FRAS1: variants seen among roughly 807,000 people sequenced by gnomAD.
FRAS1 encodes the protein extracellular matrix organizing protein FRAS1.
A neutral mutation model predicts 435.2 loss-of-function variants in FRAS1; 290 were observed. That is an observed-to-expected ratio of 0.67 (90% CI 0.61 to 0.73). FRAS1 has a LOEUF of 0.73. Among genes scored for constraint, FRAS1 ranks in the 30% least tolerant of loss-of-function variants. The probability of loss-of-function intolerance (pLI) is 0.00; values close to 1 mark genes in which losing one functional copy is unlikely to be tolerated. For missense variants in FRAS1, 4,860 were observed against 5,001.5 expected (o/e 0.97, Z 0.85); for synonymous variants, 1,800 against 1,851.0 (o/e 0.97, Z 0.71).
intron 18 of FRAS1, among the ~76,000 whole-genome samples, chr4:78,327,963 C>A (rs756897093): frequency 6.6e-6 from 1 of 152,136 alleles, no homozygotes; most frequent in Non-Finnish European, 1.5e-5. Flanking sequence ...TGTCATCCAG[C>A]GTATTCTTTT....
At chr4:78,519,239 G>T in intron 66 of FRAS1, 92 bp from the exon 67 acceptor site, 1 of 1,095,136 alleles carries the variant, frequency 9.1e-7, no homozygotes, top group South Asian at 2.1e-5. Flanking sequence ...GTGACTACAT[G>T]GGTGAATGAA....
At chr4:78,156,253 A>C (rs1274035287) in intron 2 of FRAS1, among the ~76,000 whole-genome samples, 4 of 152,206 alleles carry the variant, frequency 2.6e-5, no homozygotes, top group African/African-American at 4.8e-5. Context: ...AGCTTAGCAC[A>C]TGTAGAACAT....
At chr4:78,210,995 G>T (rs972256666) in intron 2 of FRAS1, among the ~76,000 whole-genome samples, 4 of 152,210 alleles carry the variant, frequency 2.6e-5, no homozygotes, top group African/African-American at 9.7e-5. Context: ...GTGCGCGTAT[G>T]GTGTTGGACA....
intron 2 of FRAS1, among the ~76,000 whole-genome samples, chr4:78,163,775 A>G (rs890548077): frequency 1.3e-5 from 2 of 152,220 alleles, no homozygotes; most frequent in Non-Finnish European, 2.9e-5. Flanking sequence ...TTGAAAAAAT[A>G]ATATTTTGTT....
intron 2 of FRAS1, among the ~76,000 whole-genome samples, chr4:78,195,312 C>T (rs1208854920): frequency 1.3e-5 from 2 of 152,226 alleles, no homozygotes; most frequent in African/African-American, 4.8e-5. Context: ...CAGCCAGGGA[C>T]ATTTAAGTCT....
At chr4:78,066,981 A>G (rs1314966096) in intron 2 of FRAS1, among the ~76,000 whole-genome samples, 3 of 152,128 alleles carry the variant, frequency 2.0e-5, no homozygotes, top group Middle Eastern at 3.2e-3. Context: ...GGAAAAAGCC[A>G]TTTTTATTGT....
At chr4:78,095,602 A>G (rs556807363) in intron 2 of FRAS1, among the ~76,000 whole-genome samples, 1 of 152,350 alleles carries the variant, frequency 6.6e-6, no homozygotes, top group Non-Finnish European at 1.5e-5. Flanking sequence ...GCTGTGGAGG[A>G]GTCCTCACAA....
At chr4:78,430,205 C>A in intron 36 of FRAS1, 87 bp from the exon 37 acceptor site, 1 of 1,530,062 alleles carries the variant, frequency 6.5e-7, no homozygotes, top group African/African-American at 1.4e-5. Context: ...CAGCATGACT[C>A]CTAGCCTGGC....
At chr4:78,462,020 G>A (rs1719381575) in intron 47 of FRAS1, among the ~76,000 whole-genome samples, 3 of 152,200 alleles carry the variant, frequency 2.0e-5, no homozygotes, top group Admixed American at 6.5e-5. Flanking sequence ...GTGATGAATT[G>A]GTTCACTATT....
chr4:78,362,942 A>G (rs1163110949), intron 20 of FRAS1, among the ~76,000 whole-genome samples: 3 of 152,192 alleles, frequency 2.0e-5, no homozygotes, highest in Non-Finnish European at 1.5e-5. Flanking sequence ...GTAAAAAGGC[A>G]TGATTCAGAA....
chr4:78,229,205 G>A (rs974313900), intron 2 of FRAS1, among the ~76,000 whole-genome samples: 2 of 151,958 alleles, frequency 1.3e-5, no homozygotes, highest in African/African-American at 4.8e-5. Context: ...TTCCTTATCT[G>A]TAAAATGGAG....
At chr4:78,065,174 A>AC (rs1739968685) in intron 1 of FRAS1, among the ~76,000 whole-genome samples, 1 of 146,914 alleles carries the variant, frequency 6.8e-6, no homozygotes, top group Non-Finnish European at 1.5e-5. Flanking sequence ...GTATATATGT[A>AC]TATATATGTG....
At chr4:78,272,683 G>T (rs1335039635) in intron 9 of FRAS1, among the ~76,000 whole-genome samples, 1 of 152,114 alleles carries the variant, frequency 6.6e-6, no homozygotes, top group African/African-American at 2.4e-5. Context: ...CTCTGTTTTG[G>T]TACCAGTACT....
intron 71 of FRAS1, among the ~76,000 whole-genome samples, chr4:78,536,001 A>G (rs1454117421): frequency 2.0e-5 from 3 of 152,152 alleles, no homozygotes; most frequent in Non-Finnish European, 2.9e-5. Flanking sequence ...TCCTCCTCCC[A>G]CTGCATCATT....
intron 26 of FRAS1, 104 bp from the exon 27 acceptor site, chr4:78,379,622 G>C (rs1487779669): frequency 9.2e-7 from 1 of 1,087,828 alleles, no homozygotes; most frequent in Admixed American, 2.4e-5. Flanking sequence ...TTATTCTCTG[G>C]AAATTGTAAG....
intron 29 of FRAS1, among the ~76,000 whole-genome samples, chr4:78,398,171 A>C (rs977820998): frequency 6.6e-6 from 1 of 152,204 alleles, no homozygotes; most frequent in East Asian, 1.9e-4. Context: ...TATACTGCAA[A>C]AAAATCATTC....
chr4:78,316,102 A>G (rs1207914609), intron 16 of FRAS1, among the ~76,000 whole-genome samples: 2 of 152,260 alleles, frequency 1.3e-5, no homozygotes, highest in Non-Finnish European at 1.5e-5. Context: ...CAACTACAAC[A>G]CACCACAAAA....
intron 64 of FRAS1, 122 bp downstream of exon 64, chr4:78,511,628 A>G (rs11728758): frequency 0.16 from 130,421 of 814,294 alleles, 12,834 homozygotes; most frequent in Non-Finnish European, 0.21. Flanking sequence ...TGATGAATGC[A>G]TCAGTAAAAG....
At chr4:78,170,300 G>C (rs1460945939) in intron 2 of FRAS1, among the ~76,000 whole-genome samples, 1 of 152,112 alleles carries the variant, frequency 6.6e-6, no homozygotes, top group Non-Finnish European at 1.5e-5. Flanking sequence ...GCTACAAAGA[G>C]TTTGACATAT....
Sources: gnomAD v4.1 joint callset for allele counts (sites outside exome capture counted in the v4.1 genomes callset) on GRCh38, gnomAD v4.1.1 for gene constraint, MANE v1.5 for transcripts, NCBI Gene and HGNC (gene_info 2026-07-23, HGNC 2026-07-21) for gene names.